HSD17B12: variants seen among roughly 807,000 people sequenced by gnomAD.
HSD17B12 encodes hydroxysteroid 17-beta dehydrogenase 12, also known as very-long-chain 3-oxoacyl-CoA reductase.
A neutral mutation model predicts 39.3 loss-of-function variants in HSD17B12; 32 were observed. That is an observed-to-expected ratio of 0.81 (90% CI 0.61 to 1.09). HSD17B12 has a LOEUF of 1.09. Among genes scored for constraint, HSD17B12 ranks in the 50% least tolerant of loss-of-function variants. HSD17B12 has a pLI of 0.00. For synonymous variants in HSD17B12, 150 were observed against 146.7 expected, an observed-to-expected ratio of 1.02 and a Z score of -0.16; for missense variants, 342 against 382.9, an observed-to-expected ratio of 0.89 and a Z score of 0.89.
chr11:43,712,862 T>C (rs1224551750), intron 1 of HSD17B12, among the ~76,000 whole-genome samples: 1 of 152,222 alleles, frequency 6.6e-6, no homozygotes, highest in Non-Finnish European at 1.5e-5. Flanking sequence ...GTATTAGTCA[T>C]TGCAGAGAAT....
At chr11:43,827,089 G>C (rs1443348602) in intron 6 of HSD17B12, among the ~76,000 whole-genome samples, 2 of 152,148 alleles carry the variant, frequency 1.3e-5, no homozygotes, top group Non-Finnish European at 1.5e-5. Flanking sequence ...TGGGGTAGAG[G>C]GAGGGCAGAT....
chr11:43,623,072 A>C, the HSD17B12 span, among the ~76,000 whole-genome samples: 1 of 152,184 alleles, frequency 6.6e-6, no homozygotes, highest in African/African-American at 2.4e-5. Context: ...CAATACCAAC[A>C]AAAAGGAAAA....
the HSD17B12 span, among the ~76,000 whole-genome samples, chr11:43,593,726 A>G: frequency 6.6e-6 from 1 of 152,128 alleles, no homozygotes; most frequent in South Asian, 2.1e-4. Flanking sequence ...TTGTGATTAA[A>G]AGGTATTGCT....
At chr11:43,748,180 A>G (rs1041041349) in intron 1 of HSD17B12, among the ~76,000 whole-genome samples, 1 of 152,200 alleles carries the variant, frequency 6.6e-6, no homozygotes, top group African/African-American at 2.4e-5. Flanking sequence ...TTGCTACTCT[A>G]GTCACAATAC....
intron 1 of HSD17B12, among the ~76,000 whole-genome samples, chr11:43,688,350 G>A (rs1949821344): frequency 6.6e-6 from 1 of 152,198 alleles, no homozygotes; most frequent in African/African-American, 2.4e-5. Flanking sequence ...ACTGTGGTAT[G>A]GGAAGTTCTT....
At chr11:43,744,299 G>A (rs1002708290) in intron 1 of HSD17B12, among the ~76,000 whole-genome samples, 2 of 152,042 alleles carry the variant, frequency 1.3e-5, no homozygotes, top group African/African-American at 4.8e-5. Context: ...ACTCATTTGG[G>A]TGCATTTTCA....
chr11:43,795,634 C>T (rs72894407), intron 3 of HSD17B12, among the ~76,000 whole-genome samples: 6,869 of 152,238 alleles, frequency 0.045, 239 homozygotes, highest in Middle Eastern at 0.18. Context: ...TCTCTGCCTC[C>T]GAACATTGTT....
chr11:43,768,730 A>G (rs529712131), intron 3 of HSD17B12, among the ~76,000 whole-genome samples: 2 of 152,308 alleles, frequency 1.3e-5, no homozygotes, highest in South Asian at 2.1e-4. Flanking sequence ...GAGTCAAAGA[A>G]CAAACATTCC....
At chr11:43,711,509 C>G (rs1950065901) in intron 1 of HSD17B12, among the ~76,000 whole-genome samples, 1 of 141,624 alleles carries the variant, frequency 7.1e-6, no homozygotes, top group Non-Finnish European at 1.5e-5. Flanking sequence ...GGGTCTTGCT[C>G]TGTTGCCGAG....
At chr11:43,730,763 A>T (rs980030073) in intron 1 of HSD17B12, among the ~76,000 whole-genome samples, 1 of 152,144 alleles carries the variant, frequency 6.6e-6, no homozygotes, top group Non-Finnish European at 1.5e-5. Context: ...AGTATGCTTA[A>T]ACACATGCCT....
At chr11:43,608,308 G>T in the HSD17B12 span, among the ~76,000 whole-genome samples, 1 of 151,356 alleles carries the variant, frequency 6.6e-6, no homozygotes, top group Non-Finnish European at 1.5e-5. Context: ...GCTGCAGTGA[G>T]CTGTGATCAT....
the HSD17B12 span, among the ~76,000 whole-genome samples, chr11:43,622,725 G>A: frequency 6.6e-6 from 1 of 151,950 alleles, no homozygotes; most frequent in Non-Finnish European, 1.5e-5. Flanking sequence ...CTGTCCCCTT[G>A]ATTTTACTGG....
the HSD17B12 span, among the ~76,000 whole-genome samples, chr11:43,622,556 G>A: frequency 6.6e-6 from 1 of 151,976 alleles, no homozygotes; most frequent in Non-Finnish European, 1.5e-5. Flanking sequence ...AATAGAAGAG[G>A]TATAAATAGA....
chr11:43,694,680 C>A (rs981694827), intron 1 of HSD17B12, among the ~76,000 whole-genome samples: 1 of 151,820 alleles, frequency 6.6e-6, no homozygotes, highest in African/African-American at 2.4e-5. Flanking sequence ...AGAGCATGAC[C>A]CTGTCTCAAA....
At chr11:43,575,163 CT>C in the HSD17B12 span, among the ~76,000 whole-genome samples, 1 of 152,218 alleles carries the variant, frequency 6.6e-6, no homozygotes, top group Admixed American at 6.5e-5. This position sits in a 1 kb window ranked among gnomAD's most constrained non-coding sequence, Gnocchi z 4.1. Flanking sequence ...TTTGTTTCTG[CT>C]CTGGGAGTCT....
At chr11:43,733,120 A>G (rs1324161300) in intron 1 of HSD17B12, among the ~76,000 whole-genome samples, 1 of 152,258 alleles carries the variant, frequency 6.6e-6, no homozygotes, top group Non-Finnish European at 1.5e-5. Flanking sequence ...AGTTGGATTC[A>G]GCATTATCAG....
intron 6 of HSD17B12, among the ~76,000 whole-genome samples, chr11:43,827,340 A>G (rs1343902130): frequency 6.6e-6 from 1 of 152,342 alleles, no homozygotes; most frequent in East Asian, 1.9e-4. Flanking sequence ...AAAATGACCA[A>G]ATGCCAAAGA....
chr11:43,741,734 C>CTT (rs534584200), intron 1 of HSD17B12, among the ~76,000 whole-genome samples: 13 of 130,486 alleles, frequency 1.0e-4, no homozygotes, highest in East Asian at 2.2e-4. Flanking sequence ...TTTTCTTTTT[C>CTT]TTTTTTTTTT....
At chr11:43,714,751 T>C (rs1950104898) in intron 1 of HSD17B12, among the ~76,000 whole-genome samples, 2 of 152,176 alleles carry the variant, frequency 1.3e-5, no homozygotes, top group South Asian at 2.1e-4. Context: ...TCTTCCTATC[T>C]ATGAGCATGG....
Sources: allele counts gnomAD v4.1 joint callset (sites outside exome capture counted in the v4.1 genomes callset), GRCh38; gene constraint gnomAD v4.1.1; non-coding constraint Gnocchi (gnomAD v3.1); transcripts MANE v1.5; gene names NCBI Gene and HGNC (gene_info 2026-07-23, HGNC 2026-07-21).